The following CC2D1B variants were observed in gnomAD, a reference collection of about 807,000 sequenced individuals.
CC2D1B encodes coiled-coil and C2 domain-containing protein 1B.
CC2D1B carries 92 observed loss-of-function variants against 110.8 expected under a neutral mutation model. The ratio of observed to expected loss-of-function variants is 0.83; its 90% CI spans 0.70 to 0.99. The LOEUF is 0.99. CC2D1B is among the 50% of genes least tolerant of loss of function. The probability of loss-of-function intolerance (pLI) is 0.00; values close to 1 mark genes in which losing one functional copy is unlikely to be tolerated. For synonymous variants in CC2D1B, 406 were observed against 429.2 expected (o/e 0.95, Z 0.67); for missense variants, 1,136 against 1,089.0 (o/e 1.04, Z -0.61).
rs76962568 is a variant in CC2D1B, at chr1:52,351,046, C to A, written c.*2179G>T. 6.6e-6 allele frequency: 1 copy of A among 152,248 alleles called. No individual in the cohort carries two copies. The highest frequency in any genetic ancestry group is 6.5e-5 in the Admixed American group (1 of 15,286). The allele number at this position is 152,248 out of a possible 1,614,324, so 9.4% of individuals were successfully genotyped here. On this transcript the variant is annotated 3_prime_UTR_variant, in exon 25 of 25. Transcript: ENST00000284376. ...ACAGGCGTGAGCCACTGTGTCCCGC[C>A]TGTTTCCTGTATGTGGATAAATCTC...
chr1:52,353,085 G>GT lies in CC2D1B; in HGVS notation c.*139dup, dbSNP rs1180386113. The GT allele has an allele frequency of 3.5e-5, 29 of 825,304 alleles. No individual in the cohort carries two copies. In the East Asian group the frequency reaches 1.8e-3, roughly 50 times the overall value. 51.1% of individuals were successfully genotyped at this position (825,304 alleles called of 1,614,324 possible). ...ACAGGAAAGACCAGAGTCGTGGTCA[G>GT]TAGTGCACATGCTTAACAGGTCTTT... On this transcript the variant is annotated 3_prime_UTR_variant, in exon 25 of 25. Transcript: ENST00000284376.
At chr1:52,361,209 CCT>C (rs766709860) in intron 4 of CC2D1B, 77 bp from the exon 5 acceptor site, 235 of 1,542,524 alleles carry the variant, frequency 1.5e-4, no homozygotes, top group Non-Finnish European at 2.0e-4. Context: ...AGTAAAGGAC[CCT>C]CTCTCTCAGC....
At chr1:52,357,990 CT>C (rs1646692451) in intron 13 of CC2D1B, 92 bp from the exon 14 acceptor site, 1 of 1,485,336 alleles carries the variant, frequency 6.7e-7, no homozygotes, top group Non-Finnish European at 9.0e-7. Context: ...TAACACTGTA[CT>C]ACATCGCTGT....
intron 18 of CC2D1B, 24 bp downstream of exon 18, chr1:52,356,162 C>T: frequency 1.9e-6 from 3 of 1,577,918 alleles, no homozygotes; most frequent in Non-Finnish European, 2.6e-6. Flanking sequence ...TGCCTGGAGC[C>T]CCTGTTTCCC....
chr1:52,359,648 G>A (rs1646735187), intron 8 of CC2D1B, 57 bp downstream of exon 8: 2 of 1,550,568 alleles, frequency 1.3e-6, no homozygotes, highest in African/African-American at 1.4e-5. Context: ...CTCCCTTTCT[G>A]AGCCTGTTTC....
chr1:52,356,245 C>T lies in CC2D1B; in HGVS notation c.1995G>A (p.Gln665=). 1.9e-6 allele frequency: 3 copies of T among 1,614,200 alleles called. No individual in the cohort carries two copies. The highest frequency in any genetic ancestry group is 2.5e-6 in the Non-Finnish European group (3 of 1,180,030). ...KKQLEILQLA[Q]AQGLDPPTHH... ...GGGTGGGAGGGTCGAGGCCCTGAGC[C>T]TGGGCCAGCTGCAGGATCTCCAGCT... The change falls in exon 18 of 25, where the codon CAG becomes CAA. Residue 665 remains glutamine (Q), a synonymous_variant. Transcript: ENST00000284376.
intron 16 of CC2D1B, 140 bp downstream of exon 16, chr1:52,356,861 G>A: frequency 1.0e-6 from 1 of 965,006 alleles, no homozygotes; most frequent in Non-Finnish European, 1.5e-6. Context: ...AGAGAAGAAA[G>A]TGCCTTGCCC....
intron 1 of CC2D1B, among the ~76,000 whole-genome samples, chr1:52,365,248 A>T (rs1646857660): frequency 7.2e-5 from 11 of 152,220 alleles, no homozygotes; most frequent in Admixed American, 7.2e-4. Context: ...GGAGCGCAGA[A>T]ATGAACCTAA....
rs555519183 is a variant in CC2D1B at position 52,358,241 on chromosome 1, T to C, written c.1461+90A>G. The C allele has an allele frequency of 2.2e-5, 33 of 1,511,730 alleles. No individual in the cohort carries two copies. In the African/African-American group the frequency reaches 2.8e-4, roughly 13 times the overall value. 93.6% of individuals were successfully genotyped at this position (1,511,730 alleles called of 1,614,324 possible). A position where few individuals can be genotyped will look rare whatever the true frequency, so the allele number is the denominator to read the frequency against. Reference sequence around the variant, plus strand: ...AGTGGAGGAAAGAATATGTACCTTATTGGGCTTGTTAGTATGGACAACAGG... The same window carrying C: ...AGTGGAGGAAAGAATATGTACCTTACTGGGCTTGTTAGTATGGACAACAGG... On this transcript the variant is annotated intron_variant, in intron 13 of 24. Transcript: ENST00000284376.
intron 3 of CC2D1B, 34 bp downstream of exon 3, chr1:52,362,568 C>G (rs764519738): frequency 6.2e-7 from 1 of 1,613,250 alleles, no homozygotes; most frequent in African/African-American, 1.3e-5. Context: ...CCATCTTGTC[C>G]CAGCACCAAG....
chr1:52,358,757 T>G lies in CC2D1B; in HGVS notation c.1259A>C (p.Gln420Pro), dbSNP rs760521308. 6.2e-6 allele frequency: 10 copies of G among 1,608,772 alleles called. No homozygotes were observed. In the South Asian group the frequency reaches 1.0e-4, roughly 16 times the overall value. The change falls in exon 12 of 25, where the codon CAA becomes CCA. Residue 420 changes from glutamine to proline, a missense_variant and splice_region_variant. Transcript: ENST00000284376. ...GTGTGCTCGAATAGCATCTTGATAT[T>G]GCTGCAAGGGAAGGAAGGGAGGGGC... ...KARMHERIAK[Q>P]YQDAIRAHRA... is the part of the protein sequence containing the mutation.
chr1:52,357,975 C>CA, intron 13 of CC2D1B, 77 bp from the exon 14 acceptor site: 1 of 1,509,014 alleles, frequency 6.6e-7, no homozygotes, highest in South Asian at 1.3e-5. Flanking sequence ...CTTGGGCTGT[C>CA]TTCCTAACAC....
Position 52,350,716 on chromosome 1 carries a change from G to C in CC2D1B, c.*2509C>G, listed in dbSNP as rs1646520261. ...GGTTGTAGCTGGCTCCCAACTGCAG[G>C]TGAGTCACTAATCTCCAATGTTTGG... is the stretch of plus-strand genomic sequence containing the variant. On this transcript the variant is annotated 3_prime_UTR_variant, in exon 25 of 25. Coordinates refer to ENST00000284376, the MANE Select transcript of CC2D1B (RefSeq NM_001330585.2). 1 of 152,182 alleles carries C rather than the reference G, an allele frequency of 6.6e-6. No homozygotes were observed. Among genetic ancestry groups the C allele is most frequent in the African/African-American group, 2.4e-5 (1 of 41,442 alleles). The allele number at this position is 152,182 out of a possible 1,614,324, so 9.4% of individuals were successfully genotyped here. A position where few individuals can be genotyped will look rare whatever the true frequency, so the allele number is the denominator to read the frequency against.
chr1:52,361,068 G>C lies in CC2D1B; in HGVS notation c.383C>G (p.Ala128Gly). 6.2e-7 allele frequency: 1 copy of C among 1,614,040 alleles called. No individual in the cohort carries two copies. The highest frequency in any genetic ancestry group is 8.5e-7 in the Non-Finnish European group (1 of 1,179,978). Reference protein sequence around the residue: ...ETEPLDGDEVADPGGSEEENG... With the variant: ...ETEPLDGDEVGDPGGSEEENG... ...CTCCTCCTCAGAGCCGCCTGGGTCAGCTACCTCATCACCATCCAGGGGCTC... is the reference window on the plus strand; with the variant it reads ...CTCCTCCTCAGAGCCGCCTGGGTCACCTACCTCATCACCATCCAGGGGCTC... The change falls in exon 5 of 25, where the codon GCT becomes GGT. Residue 128 changes from alanine to glycine, a missense_variant. Ala to Gly is a moderately conservative substitution (Grantham distance 60). Coordinates refer to ENST00000284376, the MANE Select transcript of CC2D1B (RefSeq NM_001330585.2).
Position 52,359,258 on chromosome 1 carries a change from G to A in CC2D1B, c.1118C>T (p.Ala373Val). ...CCACCATCCTGCCCTACCTGGGGTT[G>A]CTGGGACGTCAGGGGCCATCACTGG... ...VQPVMAPDVPATPVAPTESQT... is the reference protein window; with the variant it reads ...VQPVMAPDVPVTPVAPTESQT... Residue 373 changes from alanine (A) to valine (V), a missense_variant, in exon 10 of 25, where the codon GCA becomes GTA. Transcript: ENST00000284376. The A allele has an allele frequency of 1.2e-6, 2 of 1,612,406 alleles. No homozygotes were observed. Among genetic ancestry groups the A allele is most frequent in the African/African-American group, 1.3e-5 (1 of 75,062 alleles).
chr1:52,353,799 G>A, intron 23 of CC2D1B, 152 bp from the exon 24 acceptor site: 1 of 574,926 alleles, frequency 1.7e-6, no homozygotes, highest in Non-Finnish European at 3.1e-6. Context: ...TACCCTCCCA[G>A]TATTTGGAGG....
At position 52,356,289 on chromosome 1, in the gene CC2D1B, C is replaced by T; in HGVS notation, c.1951G>A (p.Ala651Thr). Residue 651 changes from alanine (A) to threonine (T), a missense_variant, in exon 18 of 25, where the codon GCT (alanine) becomes ACT (threonine). Transcript: ENST00000284376. ...VAETTRFEKL[A>T]QDRKKQLEIL... ...TCCAGCTGTTTCTTGCGGTCCTGAG[C>T]AAGCTTCTCAAATCTGACAGGGATG... is the stretch of plus-strand genomic sequence containing the variant. 3.1e-6 allele frequency: 5 copies of T among 1,614,198 alleles called. No individual in the cohort carries two copies. The highest frequency in any genetic ancestry group is 4.2e-6 in the Non-Finnish European group (5 of 1,180,034).
At position 52,360,452 on chromosome 1, in the gene CC2D1B, T is replaced by C; in HGVS notation, c.575A>G (p.Lys192Arg). Residue 192 changes from lysine to arginine, a missense_variant, in exon 6 of 25, where the codon AAA (lysine) becomes AGA (arginine). Lys to Arg is a conservative substitution (Grantham distance 26). Transcript: ENST00000284376. ...ASAKEAGEAA[K>R]ARRCERGLKT... ...CAGGCCGCGCTCGCAGCGCCTGGCT[T>C]TGGCTGCTTCGCCTGCCTCCTTGGC... 6.2e-7 allele frequency: 1 copy of C among 1,613,906 alleles called. No homozygotes were observed. The highest frequency in any genetic ancestry group is 8.5e-7 in the Non-Finnish European group (1 of 1,180,012).
Position 52,361,023 on chromosome 1 carries a change from T to A in CC2D1B, c.428A>T (p.Glu143Val). The A allele has an allele frequency of 6.2e-7, 1 of 1,614,124 alleles. No individual in the cohort carries two copies. The highest frequency in any genetic ancestry group is 8.5e-7 in the Non-Finnish European group (1 of 1,180,008). The change falls in exon 5 of 25, where the codon GAA becomes GTA. Residue 143 changes from glutamate to valine, a missense_variant. Physicochemically the swap from Glu to Val is moderately radical, Grantham distance 121. Coordinates refer to ENST00000284376, the MANE Select transcript of CC2D1B (RefSeq NM_001330585.2). ...SEEENGLEDT[E>V]PPVQTAVLTA... ...CAGGACGGCTGTCTGCACTGGAGGT[T>A]CAGTGTCTTCTAGGCCGTTCTCCTC... is the stretch of plus-strand genomic sequence containing the variant.
Sources: gnomAD v4.1 joint callset for allele counts (sites outside exome capture counted in the v4.1 genomes callset) on GRCh38, gnomAD v4.1.1 for gene constraint, MANE v1.5 for transcripts, NCBI Gene and HGNC (gene_info 2026-07-23, HGNC 2026-07-21) for gene names.